The following SVEP1 variants were observed in gnomAD, a reference collection of about 807,000 sequenced individuals.
SVEP1 encodes sushi, von Willebrand factor type A, EGF and pentraxin domain-containing protein 1.
A neutral mutation model predicts 367.3 loss-of-function variants in SVEP1; 164 were observed. The ratio of observed to expected loss-of-function variants is 0.45; its 90% CI spans 0.39 to 0.51. SVEP1 has a LOEUF of 0.51. SVEP1 is among the 20% of genes least tolerant of loss of function. The pLI, the probability that SVEP1 is intolerant of heterozygous loss-of-function variation, is 0.00. For missense variants in SVEP1, 4,117 were observed against 4,425.3 expected (o/e 0.93, Z 1.98); for synonymous variants, 1,666 against 1,611.6 (o/e 1.03, Z -0.81).
intron 43 of SVEP1, among the ~76,000 whole-genome samples, chr9:110,381,868 CT>C (rs150010834): frequency 0.081 from 12,276 of 152,130 alleles, 970 homozygotes; most frequent in African/African-American, 0.21. Context: ...AATTTGGGTG[CT>C]CCTGTACTGG....
At position 110,465,081 on chromosome 9, in the gene SVEP1, T is replaced by C. The variant is rs185178208; in HGVS notation, c.3322+784A>G. Among the ~76,000 whole-genome samples, 6 of 152,228 alleles carry C rather than the reference T, an allele frequency of 3.9e-5. No individual in the cohort carries two copies. In the East Asian group the frequency reaches 9.7e-4, roughly 25 times the overall value. On this transcript the variant is annotated intron_variant, in intron 18 of 47. Coordinates refer to ENST00000374469, the MANE Select transcript of SVEP1 (RefSeq NM_153366.4). Reference sequence around the variant, plus strand: ...CTATTTAAACCAGTGGTTCTCAATGTGTGGTCCCTGGACCAGTAGAATCAG... The same window carrying C: ...CTATTTAAACCAGTGGTTCTCAATGCGTGGTCCCTGGACCAGTAGAATCAG...
At chr9:110,551,640 C>T (rs1002914110) in intron 1 of SVEP1, among the ~76,000 whole-genome samples, 4 of 152,056 alleles carry the variant, frequency 2.6e-5, no homozygotes, top group East Asian at 1.9e-4. Context: ...ATAAACACAC[C>T]AAGAAGCCCA....
intron 6 of SVEP1, among the ~76,000 whole-genome samples, chr9:110,502,789 G>GT (rs1829555741): frequency 6.6e-6 from 1 of 152,104 alleles, no homozygotes; most frequent in African/African-American, 2.4e-5. Context: ...AAGAAAAAAG[G>GT]CATGGTCATT....
At chr9:110,569,617 C>A (rs767686879) in intron 1 of SVEP1, among the ~76,000 whole-genome samples, 1 of 152,076 alleles carries the variant, frequency 6.6e-6, no homozygotes, top group African/African-American at 2.4e-5. Context: ...TCTTAGTAAA[C>A]GACTCAATCA....
chr9:110,433,388 C>T (rs12376299), intron 30 of SVEP1, among the ~76,000 whole-genome samples: 19,924 of 107,646 alleles, frequency 0.19, 1,921 homozygotes, highest in Admixed American at 0.23. Context: ...AAAAAAAAAA[C>T]GGTGAATATA....
chr9:110,562,589 A>G (rs759506958), intron 1 of SVEP1, among the ~76,000 whole-genome samples: 4 of 152,234 alleles, frequency 2.6e-5, no homozygotes, highest in African/African-American at 9.6e-5. Flanking sequence ...TACTTACATA[A>G]TATGACCAAG....
intron 36 of SVEP1, among the ~76,000 whole-genome samples, chr9:110,426,279 G>A (rs35255128): frequency 0.067 from 10,194 of 152,248 alleles, 458 homozygotes; most frequent in Non-Finnish European, 0.094. Context: ...TGTATTAGTG[G>A]AATGGTTTTC....
intron 2 of SVEP1, among the ~76,000 whole-genome samples, chr9:110,546,897 G>C (rs577230270): frequency 6.6e-6 from 1 of 152,336 alleles, no homozygotes; most frequent in East Asian, 1.9e-4. Flanking sequence ...TGACTTGACA[G>C]GGTGGGTAAG....
At chr9:110,466,054 CAAT>C in intron 17 of SVEP1, 28 bp from the exon 18 acceptor site, 1 of 1,599,788 alleles carries the variant, frequency 6.3e-7, no homozygotes, top group South Asian at 1.1e-5. Context: ...ATATTACTAT[CAAT>C]AATGATATTA....
At chr9:110,489,083 G>A (rs61706765) in intron 9 of SVEP1, among the ~76,000 whole-genome samples, 4,277 of 152,160 alleles carry the variant, frequency 0.028, 190 homozygotes, top group African/African-American at 0.098. Context: ...TTTCATGTGG[G>A]CTCATATGGG....
chr9:110,508,719 C>T (rs1339042576), intron 5 of SVEP1, among the ~76,000 whole-genome samples: 4 of 137,606 alleles, frequency 2.9e-5, no homozygotes, highest in African/African-American at 1.1e-4. Flanking sequence ...CGAGATCGTG[C>T]CACTGCACTC....
chr9:110,387,160 A>G (rs1827537634), intron 42 of SVEP1, 125 bp downstream of exon 42: 2 of 860,138 alleles, frequency 2.3e-6, no homozygotes, highest in Non-Finnish European at 3.4e-6. Context: ...CAGCTTGGAT[A>G]GGCATTAATT....
intron 47 of SVEP1, among the ~76,000 whole-genome samples, chr9:110,367,500 G>A (rs12337035): frequency 0.23 from 34,717 of 152,048 alleles, 5,216 homozygotes; most frequent in African/African-American, 0.43. Context: ...CAGTCTCGTA[G>A]GAGAGAAGGA....
At chr9:110,568,523 T>C (rs73534557) in intron 1 of SVEP1, among the ~76,000 whole-genome samples, 16,563 of 152,132 alleles carry the variant, frequency 0.11, 1,100 homozygotes, top group East Asian at 0.3. Context: ...GTTTCTTAAA[T>C]ATGTAGATAA....
intron 37 of SVEP1, 64 bp downstream of exon 37, chr9:110,410,999 G>GTTTA (rs1329060604): frequency 1.1e-5 from 15 of 1,424,190 alleles, no homozygotes; most frequent in South Asian, 3.1e-5. Context: ...TATTTGTTTT[G>GTTTA]TTTATTTATT....
Position 110,465,947 on chromosome 9 carries a change from T to C in SVEP1, c.3240A>G (p.Lys1080=), listed in dbSNP as rs758674592. Residue 1080 remains lysine (K), a synonymous_variant, in exon 18 of 48, where the codon AAA becomes AAG. Coordinates refer to ENST00000374469, the MANE Select transcript of SVEP1 (RefSeq NM_153366.4). The part of the protein sequence containing the change: ...ESCPLGTYQP[K]FGSRSCLSCP... ...ACGAGAGGCAGCTCCGGGAACCAAATTTTGGCTGATAAGTGCCCAGTGGAC... is the reference window on the plus strand; with the variant it reads ...ACGAGAGGCAGCTCCGGGAACCAAACTTTGGCTGATAAGTGCCCAGTGGAC... 15 of 1,613,066 alleles carry C rather than the reference T, an allele frequency of 9.3e-6. No homozygotes were observed. Among genetic ancestry groups the C allele is most frequent in the Non-Finnish European group, 1.3e-5 (15 of 1,179,520 alleles).
chr9:110,429,857 T>A, intron 34 of SVEP1, 63 bp downstream of exon 34: 1 of 1,392,790 alleles, frequency 7.2e-7, no homozygotes, highest in Non-Finnish European at 1.0e-6. Context: ...TCTTTCAGTG[T>A]TATATCACTA....
intron 43 of SVEP1, among the ~76,000 whole-genome samples, chr9:110,385,379 T>G (rs1382514923): frequency 6.6e-6 from 1 of 152,164 alleles, no homozygotes; most frequent in African/African-American, 2.4e-5. Context: ...ATAAATGGAG[T>G]AACAAAGCGC....
intron 11 of SVEP1, among the ~76,000 whole-genome samples, chr9:110,482,000 A>G (rs1829198630): frequency 6.6e-6 from 1 of 152,188 alleles, no homozygotes; most frequent in Non-Finnish European, 1.5e-5. Context: ...GGCGTGAGTC[A>G]CCATGCCCTG....
Sources: allele counts gnomAD v4.1 joint callset (sites outside exome capture counted in the v4.1 genomes callset), GRCh38; gene constraint gnomAD v4.1.1; transcripts MANE v1.5; gene names NCBI Gene and HGNC (gene_info 2026-07-23, HGNC 2026-07-21).